The following FOCAD variants were observed in gnomAD, a reference collection of about 807,000 sequenced individuals.
FOCAD encodes KIAA1797.
FOCAD carries 198 observed loss-of-function variants against 225.6 expected under a neutral mutation model. The ratio of observed to expected loss-of-function variants is 0.88; its 90% CI spans 0.78 to 0.99. The LOEUF (loss-of-function observed/expected upper bound fraction) is 0.99, where lower values mean the gene tolerates loss of function less well. FOCAD is among the 50% of genes least tolerant of loss of function. The pLI, the probability that FOCAD is intolerant of heterozygous loss-of-function variation, is 0.00. For missense variants in FOCAD, 2,713 were observed against 2,123.6 expected (o/e 1.28, Z -5.46); for synonymous variants, 897 against 755.0 (o/e 1.19, Z -3.08).
intron 11 of FOCAD, among the ~76,000 whole-genome samples, chr9:20,817,022 G>A (rs1166660442): frequency 6.6e-6 from 1 of 152,098 alleles, no homozygotes; most frequent in Admixed American, 6.6e-5. Flanking sequence ...GTATCTGTGT[G>A]TCTGACCATC....
At chr9:20,985,701 C>T (rs1444991884) in intron 39 of FOCAD, among the ~76,000 whole-genome samples, 1 of 151,886 alleles carries the variant, frequency 6.6e-6, no homozygotes, top group East Asian at 1.9e-4. Flanking sequence ...CAGTTTGTCG[C>T]ACAGAATATT....
chr9:20,805,424 C>T (rs1327508503), intron 11 of FOCAD, among the ~76,000 whole-genome samples: 2 of 152,118 alleles, frequency 1.3e-5, no homozygotes, highest in African/African-American at 2.4e-5. Flanking sequence ...GAATTTTCTG[C>T]CTTTTTGCTA....
intron 15 of FOCAD, among the ~76,000 whole-genome samples, chr9:20,829,905 C>T (rs1467758290): frequency 1.3e-5 from 2 of 152,020 alleles, no homozygotes; most frequent in Non-Finnish European, 2.9e-5. Flanking sequence ...TAGTTAACAG[C>T]ATATATATAA....
At position 20,758,077 on chromosome 9, in the gene FOCAD, C is replaced by G; in HGVS notation, c.393-13C>G. The G allele has an allele frequency of 1.3e-6, 2 of 1,581,030 alleles. No homozygotes were observed. The highest frequency in any genetic ancestry group is 2.3e-5 in the South Asian group (2 of 87,080). ...GAATAACAGGTTCCCATGTGACTTT[C>G]TGTGTCTTTCAGAAATCATCCTCAT... is the stretch of plus-strand genomic sequence containing the variant. On this transcript the variant is annotated splice_polypyrimidine_tract_variant and intron_variant, in intron 5 of 43. Transcript: ENST00000338382.
intron 7 of FOCAD, among the ~76,000 whole-genome samples, chr9:20,765,394 A>G (rs551379905): frequency 1.3e-5 from 2 of 152,188 alleles, no homozygotes; most frequent in Non-Finnish European, 1.5e-5. Flanking sequence ...TTCTGTGTAG[A>G]CATTGGGACA....
At chr9:20,892,913 C>G (rs1042873919) in intron 21 of FOCAD, among the ~76,000 whole-genome samples, 10 of 152,142 alleles carry the variant, frequency 6.6e-5, no homozygotes, top group African/African-American at 1.9e-4. Context: ...CCACCCTAAT[C>G]AGTTAGCAAC....
At chr9:20,698,886 T>C (rs1490147720) in intron 1 of FOCAD, among the ~76,000 whole-genome samples, 1 of 152,262 alleles carries the variant, frequency 6.6e-6, no homozygotes, top group Non-Finnish European at 1.5e-5. Flanking sequence ...TTTTTAATTC[T>C]TAACTCACTT....
In FOCAD at chr9:20,990,914, G is replaced by A. The variant is rs183749410; in HGVS notation, c.5256+540G>A. 3.2e-4 allele frequency among the ~76,000 whole-genome samples: 49 copies of A among 152,322 alleles called. No individual in the cohort carries two copies. In the East Asian group the frequency reaches 8.5e-3, roughly 26 times the overall value. On this transcript the variant is annotated intron_variant, in intron 42 of 43. Coordinates refer to ENST00000338382, the MANE Select transcript of FOCAD (RefSeq NM_001375567.1). ...TGCACAGATATGCTCCAGGCACCCA[G>A]TGTGCCCTGGTCTGTGCTAGATGCC...
chr9:20,881,991 T>A lies in FOCAD; in HGVS notation c.2438T>A (p.Ile813Asn), dbSNP rs758778522. 66 of 1,613,766 alleles carry A rather than the reference T, an allele frequency of 4.1e-5. No homozygotes were observed. Among genetic ancestry groups the A allele is most frequent in the Admixed American group, 2.8e-4 (17 of 59,968 alleles). ...GACCAAGGAAAGACTGTAGCAGGAATCCCCAATTTTATATTGAAAATGTAT... is the reference window on the plus strand; with the variant it reads ...GACCAAGGAAAGACTGTAGCAGGAAACCCCAATTTTATATTGAAAATGTAT... The part of the protein sequence containing the change: ...RSDQGKTVAG[I>N]PNFILKMYET... The change falls in exon 20 of 44, where the codon ATC becomes AAC. Residue 813 changes from isoleucine to asparagine, a missense_variant. Ile to Asn is a moderately radical substitution (Grantham distance 149, BLOSUM62 -3). Transcript: ENST00000338382.
intron 16 of FOCAD, 146 bp from the exon 17 acceptor site, chr9:20,865,780 G>T: frequency 1.9e-6 from 1 of 534,202 alleles, no homozygotes. Flanking sequence ...TACATTTTAT[G>T]AATGATGGGT....
At chr9:20,789,291 A>T in intron 10 of FOCAD, 60 bp from the exon 11 acceptor site, 21 of 1,559,960 alleles carry the variant, frequency 1.3e-5, no homozygotes, top group Non-Finnish European at 1.8e-5. Context: ...TGCCAGAAAC[A>T]TATTTCTGAC....
At position 20,995,617 on chromosome 9, in the gene FOCAD, A is replaced by G; in HGVS notation, c.5394A>G (p.Ala1798=). 7 of 1,612,678 alleles carry G rather than the reference A, an allele frequency of 4.3e-6. No individual in the cohort carries two copies. Among genetic ancestry groups the G allele is most frequent in the Non-Finnish European group, 5.9e-6 (7 of 1,178,802 alleles). Reference sequence around the variant, plus strand: ...AGAAGAAAGCTGTATGGACCAGAGCATATGGTTGGTGAACAGTTTTGCAGT... The same window carrying G: ...AGAAGAAAGCTGTATGGACCAGAGCGTATGGTTGGTGAACAGTTTTGCAGT... ...EFKKKAVWTR[A]YGW Residue 1798 remains alanine, a synonymous_variant, in exon 44 of 44, where the codon GCA becomes GCG. Coordinates refer to ENST00000338382, the MANE Select transcript of FOCAD (RefSeq NM_001375567.1).
intron 24 of FOCAD, among the ~76,000 whole-genome samples, chr9:20,922,574 A>C (rs1010080548): frequency 6.6e-6 from 1 of 152,210 alleles, no homozygotes; most frequent in African/African-American, 2.4e-5. Context: ...ATGGCTTGGG[A>C]CTTGAGGTAC....
chr9:20,717,757 T>C, intron 2 of FOCAD, 37 bp from the exon 3 acceptor site: 1 of 1,515,500 alleles, frequency 6.6e-7, no homozygotes, highest in Non-Finnish European at 9.1e-7. Context: ...AAAGAACTTC[T>C]AAGGGACTGT....
At chr9:20,867,907 G>A (rs1042061216) in intron 18 of FOCAD, among the ~76,000 whole-genome samples, 1 of 152,048 alleles carries the variant, frequency 6.6e-6, no homozygotes, top group African/African-American at 2.4e-5. Flanking sequence ...ATGCCAGTAG[G>A]AACCAGGCAA....
chr9:20,694,387 A>G (rs942277756), intron 1 of FOCAD: 3 of 152,340 alleles, frequency 2.0e-5, no homozygotes, highest in Middle Eastern at 3.4e-3. Context: ...TTATAAAGTC[A>G]ATCTGAACCA....
At chr9:20,878,782 A>G (rs1352289909) in intron 19 of FOCAD, among the ~76,000 whole-genome samples, 3 of 152,156 alleles carry the variant, frequency 2.0e-5, no homozygotes, top group African/African-American at 7.2e-5. Flanking sequence ...GTGTGGCTCC[A>G]TTCAAGTCCG....
chr9:20,713,160 C>G (rs1180692052), intron 1 of FOCAD, among the ~76,000 whole-genome samples: 1 of 152,214 alleles, frequency 6.6e-6, no homozygotes, highest in African/African-American at 2.4e-5. Flanking sequence ...TGTGCAGTAG[C>G]TTTCCATTTC....
chr9:20,780,219 C>T (rs1209504858), intron 9 of FOCAD, among the ~76,000 whole-genome samples: 1 of 152,180 alleles, frequency 6.6e-6, no homozygotes. Flanking sequence ...CATTTTCACC[C>T]TCAGCTCCAG....
Sources: allele counts gnomAD v4.1 joint callset (sites outside exome capture counted in the v4.1 genomes callset), GRCh38; gene constraint gnomAD v4.1.1; transcripts MANE v1.5; gene names NCBI Gene and HGNC (gene_info 2026-07-23, HGNC 2026-07-21).